Variants in ALG14 observed in about 807,000 individuals in gnomAD.
ALG14 encodes UDP-N-acetylglucosamine transferase subunit ALG14.
ALG14 carries 17 observed loss-of-function variants against 22.8 expected under a neutral mutation model. The ratio of observed to expected loss-of-function variants is 0.75; its 90% CI spans 0.51 to 1.12. The LOEUF is 1.12. Ranked by LOEUF, ALG14 falls within the 50% of genes most tolerant of loss-of-function variation. The pLI is 0.00. For missense variants in ALG14, 288 were observed against 271.8 expected, an observed-to-expected ratio of 1.06 and a Z score of -0.42; for synonymous variants, 89 against 103.7, an observed-to-expected ratio of 0.86 and a Z score of 0.86.
At chr1:95,068,305 T>C (rs1378476505) in intron 1 of ALG14, among the ~76,000 whole-genome samples, 1 of 152,196 alleles carries the variant, frequency 6.6e-6, no homozygotes, top group Non-Finnish European at 1.5e-5. Flanking sequence ...CTACTAATAA[T>C]TTTTTATTTT....
chr1:95,064,142 C>A (rs753646140), intron 2 of ALG14, among the ~76,000 whole-genome samples: 2 of 152,178 alleles, frequency 1.3e-5, no homozygotes, highest in Admixed American at 6.6e-5. Context: ...TTTCCTGAGA[C>A]TTGGCTAAAG....
intron 3 of ALG14, among the ~76,000 whole-genome samples, chr1:95,006,698 G>C (rs1467598090): frequency 6.6e-6 from 1 of 152,224 alleles, no homozygotes. Context: ...TCTTTTCCAT[G>C]CTTTACCCGT....
At chr1:95,010,930 GAAC>G (rs1472195195) in intron 3 of ALG14, among the ~76,000 whole-genome samples, 1 of 152,084 alleles carries the variant, frequency 6.6e-6, no homozygotes, top group Admixed American at 6.6e-5. Flanking sequence ...GCAGAAATAA[GAAC>G]AACCAAAGTT....
At chr1:95,022,121 G>A (rs1031802981) in intron 3 of ALG14, among the ~76,000 whole-genome samples, 1 of 152,164 alleles carries the variant, frequency 6.6e-6, no homozygotes, top group African/African-American at 2.4e-5. Context: ...AAAAAGCATC[G>A]ACTTAGAAAG....
In ALG14 at chr1:94,983,033, C is replaced by T. The variant is rs777079109; in HGVS notation, c.*43G>A. ...TTTTTCCCCCCAATTTGAGTACATA[C>T]TACTGTTAACTGCAAAATTCTAAAG... On this transcript the variant is annotated 3_prime_UTR_variant, in exon 4 of 4. Coordinates refer to ENST00000370205, the MANE Select transcript of ALG14 (RefSeq NM_144988.4). The T allele has an allele frequency of 1.9e-6, 3 of 1,563,554 alleles. No individual in the cohort carries two copies. Among genetic ancestry groups the T allele is most frequent in the Non-Finnish European group, 2.6e-6 (3 of 1,134,868 alleles).
chr1:95,037,788 T>C (rs1674246393), intron 2 of ALG14, among the ~76,000 whole-genome samples: 1 of 152,204 alleles, frequency 6.6e-6, no homozygotes, highest in African/African-American at 2.4e-5. Flanking sequence ...ATTAAAATCA[T>C]GTATGAAACA....
In ALG14 at chr1:94,979,688, A is replaced by C. The variant is rs1672463447; in HGVS notation, c.*3388T>G. The C allele has an allele frequency of 6.6e-6, 1 of 152,204 alleles. No individual in the cohort carries two copies. The highest frequency in any genetic ancestry group is 2.1e-4 in the South Asian group (1 of 4,832). The allele number at this position is 152,204 out of a possible 1,614,324, so 9.4% of individuals were successfully genotyped here. A position where few individuals can be genotyped will look rare whatever the true frequency, so the allele number is the denominator to read the frequency against. On this transcript the variant is annotated 3_prime_UTR_variant, in exon 4 of 4. Coordinates refer to ENST00000370205, the MANE Select transcript of ALG14 (RefSeq NM_144988.4). ...AGTGAAAAAGCAAAAATGATCCCAA[A>C]GTTTGTTGCTTGAGGGACATGATAG...
chr1:95,008,324 A>T (rs1443099855), intron 3 of ALG14, among the ~76,000 whole-genome samples: 1 of 152,198 alleles, frequency 6.6e-6, no homozygotes, highest in Admixed American at 6.5e-5. Context: ...TCAGAGGCTA[A>T]ATTTTATGTG....
chr1:94,991,436 C>T (rs764511327), intron 3 of ALG14, among the ~76,000 whole-genome samples: 40 of 152,238 alleles, frequency 2.6e-4, no homozygotes, highest in African/African-American at 9.4e-4. Flanking sequence ...ATACTGAATA[C>T]TGTAGGCAAC....
intron 2 of ALG14, among the ~76,000 whole-genome samples, chr1:95,062,598 C>T (rs1173307337): frequency 1.3e-5 from 2 of 152,192 alleles, no homozygotes; most frequent in African/African-American, 4.8e-5. Context: ...CGGCTTCTGG[C>T]TCCATCCATA....
intron 2 of ALG14, among the ~76,000 whole-genome samples, chr1:95,034,773 A>C (rs1674129028): frequency 6.6e-6 from 1 of 151,896 alleles, no homozygotes; most frequent in Non-Finnish European, 1.5e-5. Context: ...TGCTACTCTT[A>C]TGTATAGCCA....
At chr1:95,016,421 A>T (rs886164835) in intron 3 of ALG14, among the ~76,000 whole-genome samples, 2 of 152,232 alleles carry the variant, frequency 1.3e-5, no homozygotes, top group African/African-American at 2.4e-5. Flanking sequence ...CTAAGTGTAC[A>T]AATGCCTTCT....
chr1:95,029,603 T>C (rs542026581), intron 2 of ALG14, among the ~76,000 whole-genome samples: 1 of 152,298 alleles, frequency 6.6e-6, no homozygotes, highest in African/African-American at 2.4e-5. Flanking sequence ...ATATGTTCCT[T>C]GAGAAAAGAA....
chr1:95,067,469 ATCTC>A (rs1165985397), intron 1 of ALG14: 2 of 152,218 alleles, frequency 1.3e-5, no homozygotes, highest in Non-Finnish European at 2.9e-5. Context: ...TCTTTGGAGA[ATCTC>A]TCTCTGTTAT....
intron 3 of ALG14, among the ~76,000 whole-genome samples, chr1:95,015,324 C>T (rs959688842): frequency 8.5e-5 from 13 of 152,156 alleles, no homozygotes; most frequent in African/African-American, 3.1e-4. Context: ...TCTCCAAGCA[C>T]CTGACACACT....
intron 3 of ALG14, among the ~76,000 whole-genome samples, chr1:94,994,300 A>G (rs1483687029): frequency 6.6e-6 from 1 of 152,046 alleles, no homozygotes; most frequent in African/African-American, 2.4e-5. Context: ...AGGGTTTTAA[A>G]CCCTACTAAC....
chr1:95,028,526 T>C (rs1184651844), intron 2 of ALG14, among the ~76,000 whole-genome samples: 1 of 152,028 alleles, frequency 6.6e-6, no homozygotes, highest in Non-Finnish European at 1.5e-5. Context: ...TTAAAAAAAA[T>C]CTGGAACTGG....
chr1:95,040,145 C>T (rs1162624028), intron 2 of ALG14, among the ~76,000 whole-genome samples: 1 of 151,384 alleles, frequency 6.6e-6, no homozygotes, highest in African/African-American at 2.4e-5. Flanking sequence ...GCACTCCAGC[C>T]TGGGTGACAG....
intron 3 of ALG14, among the ~76,000 whole-genome samples, chr1:95,008,826 T>C (rs1673287155): frequency 6.6e-6 from 1 of 152,010 alleles, no homozygotes; most frequent in South Asian, 2.1e-4. Context: ...ATTTCCCATT[T>C]CCCCCCTTCT....
Sources: gnomAD v4.1 joint callset for allele counts (sites outside exome capture counted in the v4.1 genomes callset) on GRCh38, gnomAD v4.1.1 for gene constraint, MANE v1.5 for transcripts, NCBI Gene and HGNC (gene_info 2026-07-23, HGNC 2026-07-21) for gene names.